BCL2: variants seen among roughly 807,000 people sequenced by gnomAD.
The protein encoded by BCL2 is apoptosis regulator Bcl-2.
A neutral mutation model predicts 14.2 loss-of-function variants in BCL2; 1 was observed. That is an observed-to-expected ratio of 0.07 (90% confidence interval 0.02 to 0.33). The LOEUF is 0.33. Ranked by LOEUF, BCL2 falls within the 10% of genes least tolerant of loss-of-function variation. The pLI is 0.99. For synonymous variants in BCL2, 151 were observed against 137.2 expected (o/e 1.10, Z -0.70); for missense variants, 247 against 305.9 (o/e 0.81, Z 1.44).
intron 2 of BCL2, among the ~76,000 whole-genome samples, chr18:63,152,150 T>C (rs17070739): frequency 6.6e-6 from 1 of 152,160 alleles, no homozygotes; most frequent in South Asian, 2.1e-4. Context: ...CTGCTTTGTA[T>C]GACTTCCAAG....
intron 2 of BCL2, among the ~76,000 whole-genome samples, chr18:63,169,371 C>CTTTCTCTTTCTTTCTTTCTT (rs1915159124): frequency 2.8e-5 from 1 of 35,920 alleles, no homozygotes; most frequent in Admixed American, 3.0e-4. Flanking sequence ...CTTTCTTTCT[C>CTTTCTCTTTCTTTCTTTCTT]TTTCTTTCTT....
intron 2 of BCL2, among the ~76,000 whole-genome samples, chr18:63,281,730 A>T (rs570094277): frequency 3.4e-4 from 46 of 136,742 alleles, no homozygotes; most frequent in African/African-American, 1.2e-3. Context: ...GAAAGAAAGA[A>T]AGAAAGAAAA....
At chr18:63,304,206 A>C (rs1913050562) in intron 2 of BCL2, among the ~76,000 whole-genome samples, 1 of 152,204 alleles carries the variant, frequency 6.6e-6, no homozygotes, top group South Asian at 2.1e-4. Flanking sequence ...ACAATGTGGG[A>C]TTCACAAGAG....
chr18:63,186,936 A>T (rs1003617092), intron 2 of BCL2, among the ~76,000 whole-genome samples: 2 of 152,266 alleles, frequency 1.3e-5, no homozygotes, highest in African/African-American at 4.8e-5. Context: ...CCAACTGCTT[A>T]GCCCACAGCT....
chr18:63,193,075 T>A (rs1909331147), intron 2 of BCL2, among the ~76,000 whole-genome samples: 2 of 152,106 alleles, frequency 1.3e-5, no homozygotes, highest in Non-Finnish European at 2.9e-5. Context: ...CTCAGCCAAA[T>A]GAAAGGTCAT....
intron 2 of BCL2, among the ~76,000 whole-genome samples, chr18:63,146,288 G>A (rs975801276): frequency 1.4e-4 from 21 of 152,174 alleles, no homozygotes; most frequent in Admixed American, 1.2e-3. Flanking sequence ...TTCTGCAGCC[G>A]CAGCCAGGGC....
intron 2 of BCL2, among the ~76,000 whole-genome samples, chr18:63,281,538 G>A (rs372525976): frequency 4.6e-5 from 7 of 151,788 alleles, no homozygotes; most frequent in African/African-American, 7.3e-5. Flanking sequence ...ATGGTGGCAC[G>A]TGCCTGTAGT....
At chr18:63,178,620 T>G (rs1915404497) in intron 2 of BCL2, among the ~76,000 whole-genome samples, 1 of 152,164 alleles carries the variant, frequency 6.6e-6, no homozygotes, top group Non-Finnish European at 1.5e-5. Context: ...CAGCTGCAGT[T>G]CACCTTTGAG....
chr18:63,188,806 A>G (rs1915652515), intron 2 of BCL2, among the ~76,000 whole-genome samples: 1 of 152,026 alleles, frequency 6.6e-6, no homozygotes, highest in African/African-American at 2.4e-5. Context: ...TTGTATATGT[A>G]TCTAATTTTT....
At chr18:63,135,156 C>T (rs1053228931) in intron 2 of BCL2, among the ~76,000 whole-genome samples, 9 of 152,182 alleles carry the variant, frequency 5.9e-5, no homozygotes, top group African/African-American at 1.7e-4. Context: ...TGGACAGGAG[C>T]GTGAAGGCTG....
At chr18:63,186,483 C>G (rs1012032856) in intron 2 of BCL2, among the ~76,000 whole-genome samples, 1 of 152,170 alleles carries the variant, frequency 6.6e-6, no homozygotes, top group Non-Finnish European at 1.5e-5. Context: ...ATGATATGAC[C>G]ATTCTTGTTC....
intron 2 of BCL2, among the ~76,000 whole-genome samples, chr18:63,300,180 T>A (rs1268121706): frequency 6.6e-6 from 1 of 152,154 alleles, no homozygotes; most frequent in Non-Finnish European, 1.5e-5. Flanking sequence ...ACAGACAGAA[T>A]AATTTAGATG....
chr18:63,215,709 T>TG (rs1352577484), intron 2 of BCL2, among the ~76,000 whole-genome samples: 1 of 152,160 alleles, frequency 6.6e-6, no homozygotes, highest in Admixed American at 6.5e-5. Flanking sequence ...AAGAACCGCA[T>TG]GGGTGCTCCT....
rs1377962588 is a variant in BCL2 at position 63,212,280 on chromosome 18, A to ATC, written c.586-83522_586-83521insGA. On this transcript the variant is annotated intron_variant, in intron 2 of 2. Transcript: ENST00000333681. Reference sequence around the variant, plus strand: ...GAGGCAGAGGTTGCAGTGAGCCAAGAGCATGCCACTGCACTCCAGCCTGGG... The same window carrying ATC: ...GAGGCAGAGGTTGCAGTGAGCCAAGATCGCATGCCACTGCACTCCAGCCTGGG... Among the ~76,000 whole-genome samples the ATC allele has an allele frequency of 5.0e-4, 76 of 151,812 alleles. 1 individual carries two copies. Among genetic ancestry groups the ATC allele is most frequent in the African/African-American group, 1.6e-3 (68 of 41,488 alleles).
chr18:63,143,145 CAAG>C (rs975825869), intron 2 of BCL2, among the ~76,000 whole-genome samples: 4 of 152,148 alleles, frequency 2.6e-5, no homozygotes, highest in East Asian at 1.9e-4. Context: ...CTTTCTGTTG[CAAG>C]AAGGATACTG....
chr18:63,276,747 G>A (rs1424083589), intron 2 of BCL2, among the ~76,000 whole-genome samples: 4 of 152,324 alleles, frequency 2.6e-5, no homozygotes, highest in Middle Eastern at 6.8e-3. Context: ...TAGCTGCCAC[G>A]TTTGCAGTGA....
chr18:63,250,191 C>T (rs778908854), intron 2 of BCL2, among the ~76,000 whole-genome samples: 1 of 152,210 alleles, frequency 6.6e-6, no homozygotes, highest in Non-Finnish European at 1.5e-5. Flanking sequence ...AACTGCACAT[C>T]TGAAGTTGGT....
chr18:63,166,868 C>T (rs1568221291), intron 2 of BCL2, among the ~76,000 whole-genome samples: 1 of 152,258 alleles, frequency 6.6e-6, no homozygotes, highest in Non-Finnish European at 1.5e-5. Context: ...TCCCTCCCCT[C>T]CTTCTTTCCT....
At chr18:63,169,903 A>C (rs566595250) in intron 2 of BCL2, among the ~76,000 whole-genome samples, 2 of 152,334 alleles carry the variant, frequency 1.3e-5, no homozygotes, top group East Asian at 3.9e-4. Flanking sequence ...TCTTGAGAAG[A>C]ATAGAGATGA....
Sources: allele counts gnomAD v4.1 joint callset (sites outside exome capture counted in the v4.1 genomes callset), GRCh38; gene constraint gnomAD v4.1.1; transcripts MANE v1.5; gene names NCBI Gene and HGNC (gene_info 2026-07-23, HGNC 2026-07-21).